TNKS2: variants seen among roughly 807,000 people sequenced by gnomAD.
The protein encoded by TNKS2 is poly [ADP-ribose] polymerase tankyrase-2.
TNKS2 carries 72 observed loss-of-function variants against 137.6 expected under a neutral mutation model. That is an observed-to-expected ratio of 0.52 (90% confidence interval 0.43 to 0.64). TNKS2 has a LOEUF of 0.64. Among genes scored for constraint, TNKS2 ranks in the 30% least tolerant of loss-of-function variants. The pLI is 0.00. For missense variants in TNKS2, 1,049 were observed against 1,410.2 expected, an observed-to-expected ratio of 0.74 and a Z score of 4.10; for synonymous variants, 516 against 512.1, an observed-to-expected ratio of 1.01 and a Z score of -0.10.
At chr10:91,856,127 ACT>A (rs1362093873) in intron 23 of TNKS2, among the ~76,000 whole-genome samples, 1 of 151,948 alleles carries the variant, frequency 6.6e-6, no homozygotes, top group Non-Finnish European at 1.5e-5. Flanking sequence ...CTTTAATAGT[ACT>A]CTCTTCATCT....
At chr10:91,850,626 G>A (rs544852703) in intron 20 of TNKS2, among the ~76,000 whole-genome samples, 19 of 149,866 alleles carry the variant, frequency 1.3e-4, no homozygotes, top group African/African-American at 4.4e-4. Context: ...GGCTGAGGCA[G>A]GAGAATCGCT....
chr10:91,853,067 G>C (rs1049062079), intron 21 of TNKS2, among the ~76,000 whole-genome samples: 40 of 152,306 alleles, frequency 2.6e-4, no homozygotes, highest in African/African-American at 9.6e-4. Context: ...AACTCTACTG[G>C]AATAATACTG....
chr10:91,853,722 A>C (rs1001197479), intron 21 of TNKS2, among the ~76,000 whole-genome samples: 1 of 152,238 alleles, frequency 6.6e-6, no homozygotes, highest in Admixed American at 6.5e-5. Flanking sequence ...TATGCTCTTC[A>C]TAATCCTTAA....
chr10:91,820,968 T>C (rs1353318577), intron 6 of TNKS2, among the ~76,000 whole-genome samples: 1 of 152,164 alleles, frequency 6.6e-6, no homozygotes, highest in East Asian at 1.9e-4. Context: ...GGAGGCAAAA[T>C]TGTTTGGAGG....
intron 18 of TNKS2, 28 bp downstream of exon 18, chr10:91,845,968 CA>C (rs376603788): frequency 1.3e-6 from 2 of 1,482,292 alleles, no homozygotes. Context: ...TGAAAAATCT[CA>C]GTGCTTTTCT....
intron 24 of TNKS2, 113 bp from the exon 25 acceptor site, chr10:91,859,349 C>A: frequency 1.2e-6 from 1 of 859,896 alleles, no homozygotes; most frequent in Non-Finnish European, 1.6e-6. Flanking sequence ...TTCGTTTTGG[C>A]TTTATTATGG....
chr10:91,819,572 A>T lies in TNKS2; in HGVS notation c.633+15A>T. The T allele has an allele frequency of 6.4e-7, 1 of 1,569,640 alleles. No homozygotes were observed. The highest frequency in any genetic ancestry group is 1.2e-5 in the South Asian group (1 of 82,936). ...ATGGCAGAAAGGTACTTCCTTTTGC[A>T]ACTGAGTTTGTGCTTATCTCCTGGT... On this transcript the variant is annotated intron_variant, in intron 5 of 26. Transcript: ENST00000371627.
chr10:91,828,574 C>T (rs1327784200), intron 9 of TNKS2, among the ~76,000 whole-genome samples, 168 bp downstream of exon 9: 1 of 152,052 alleles, frequency 6.6e-6, no homozygotes, highest in Non-Finnish European at 1.5e-5. Flanking sequence ...AATAGACAAC[C>T]TCACCCTGCA....
intron 14 of TNKS2, 82 bp downstream of exon 14, chr10:91,840,788 T>C: frequency 7.2e-7 from 1 of 1,380,732 alleles, no homozygotes; most frequent in Non-Finnish European, 9.8e-7. Context: ...TAATATGTTT[T>C]ATTTTTCAAG....
chr10:91,807,341 A>G, intron 1 of TNKS2: 1 of 1,614,132 alleles, frequency 6.2e-7, no homozygotes, highest in Non-Finnish European at 8.5e-7. Context: ...TCCCATCAGA[A>G]TGCCTATATT....
At chr10:91,830,405 A>T (rs764350414) in intron 9 of TNKS2, among the ~76,000 whole-genome samples, 13 of 152,040 alleles carry the variant, frequency 8.6e-5, no homozygotes, top group Non-Finnish European at 1.9e-4. Context: ...TTTATTAGAG[A>T]GGGGGTTTCA....
At chr10:91,849,718 A>G (rs1842487161) in intron 20 of TNKS2, 124 bp downstream of exon 20, 5 of 684,900 alleles carry the variant, frequency 7.3e-6, no homozygotes, top group South Asian at 2.6e-5. Context: ...AAGAAATGAC[A>G]TCAGTCAGCC....
At position 91,848,997 on chromosome 10, in the gene TNKS2, C is replaced by T. The variant is rs186227146; in HGVS notation, c.2611+362C>T. On this transcript the variant is annotated intron_variant, in intron 19 of 26. Coordinates refer to ENST00000371627, the MANE Select transcript of TNKS2 (RefSeq NM_025235.4). ...AATTGCAGGCACCCACCACCATGCC[C>T]GGCTAATTTTTGTAGTTTTAGTAGA... Among the ~76,000 whole-genome samples the T allele has an allele frequency of 1.7e-3, 253 of 152,264 alleles. 1 individual carries two copies. The highest frequency in any genetic ancestry group is 5.8e-3 in the African/African-American group (241 of 41,556).
intron 3 of TNKS2, 104 bp downstream of exon 3, chr10:91,817,333 A>C: frequency 1.5e-6 from 1 of 652,920 alleles, no homozygotes; most frequent in South Asian, 2.0e-5. Context: ...GATTTTTAAA[A>C]TAGTGTCAGT....
chr10:91,815,810 A>G (rs924358855), intron 2 of TNKS2, among the ~76,000 whole-genome samples: 2 of 152,124 alleles, frequency 1.3e-5, no homozygotes, highest in Non-Finnish European at 2.9e-5. Context: ...AATTCACCCT[A>G]TCAAAGAACA....
Position 91,836,923 on chromosome 10 carries a change from T to G in TNKS2, c.1452T>G (p.Gly484=), listed in dbSNP as rs761746414. 1 of 1,612,586 alleles carries G rather than the reference T, an allele frequency of 6.2e-7. No individual in the cohort carries two copies. ...CTCTCTCTCTCTCTTTTTTAGAGGG[T>G]ATCTCATTAGGTAATTCAGAGGCAG... ...NENVQQLLQE[G]ISLGNSEADR... is the part of the protein sequence containing the mutation. Residue 484 remains glycine, a synonymous_variant, in exon 13 of 27, where the codon GGT becomes GGG. Coordinates refer to ENST00000371627, the MANE Select transcript of TNKS2 (RefSeq NM_025235.4).
chr10:91,811,106 A>G lies in TNKS2; in HGVS notation c.200-1877A>G, dbSNP rs550083462. On this transcript the variant is annotated intron_variant, in intron 1 of 26. Transcript: ENST00000371627. ...CGCCCAGCTAATTTTTTGTATTTTT[A>G]GTAGAGACTGGGTTTCACCATGCTG... is the stretch of plus-strand genomic sequence containing the variant. 2.5e-4 allele frequency among the ~76,000 whole-genome samples: 38 copies of G among 150,080 alleles called. 1 individual carries two copies. In the South Asian group the frequency reaches 6.0e-3, roughly 24 times the overall value.
In TNKS2 at chr10:91,857,417, T is replaced by C. The variant is rs1842739364; in HGVS notation, c.2989-8T>C. Reference sequence around the variant, plus strand: ...AAAGATTTGATTTTTCTGGTTTATTTTTTATAGATTCAGAAGGTTTGTAAC... The same window carrying C: ...AAAGATTTGATTTTTCTGGTTTATTCTTTATAGATTCAGAAGGTTTGTAAC... On this transcript the variant is annotated splice_polypyrimidine_tract_variant and splice_region_variant and intron_variant, in intron 23 of 26. Coordinates refer to ENST00000371627, the MANE Select transcript of TNKS2 (RefSeq NM_025235.4). 6.3e-7 allele frequency: 1 copy of C among 1,580,280 alleles called. No individual in the cohort carries two copies. The highest frequency in any genetic ancestry group is 2.2e-5 in the East Asian group (1 of 44,566).
At chr10:91,845,605 GT>G (rs1283050014) in intron 17 of TNKS2, 146 bp from the exon 18 acceptor site, 2 of 537,794 alleles carry the variant, frequency 3.7e-6, no homozygotes, top group Non-Finnish European at 6.1e-6. Flanking sequence ...CTACTCATAA[GT>G]TGTGATGTTG....
Sources: allele counts gnomAD v4.1 joint callset (sites outside exome capture counted in the v4.1 genomes callset), GRCh38; gene constraint gnomAD v4.1.1; transcripts MANE v1.5; gene names NCBI Gene and HGNC (gene_info 2026-07-23, HGNC 2026-07-21).